COLEC12: variants seen among roughly 807,000 people sequenced by gnomAD.
The protein encoded by COLEC12 is collectin subfamily member 12, also known as collectin-12.
COLEC12 carries 33 observed loss-of-function variants against 71.1 expected under a neutral mutation model. The observed-to-expected ratio is 0.46, with a 90% CI of 0.35 to 0.62. COLEC12 has a LOEUF of 0.62. Ranked by LOEUF, COLEC12 falls within the 20% of genes least tolerant of loss-of-function variation. COLEC12 has a pLI of 0.00. For missense variants in COLEC12, 765 were observed against 916.1 expected (o/e 0.84, Z 2.13); for synonymous variants, 350 against 353.0 (o/e 0.99, Z 0.10).
At chr18:340,712 A>G (rs1457880784) in intron 5 of COLEC12, among the ~76,000 whole-genome samples, 1 of 152,256 alleles carries the variant, frequency 6.6e-6, no homozygotes, top group Non-Finnish European at 1.5e-5. Flanking sequence ...TAGAGGAAAA[A>G]CAGTGATACA....
At chr18:490,268 A>G (rs1480272) in intron 1 of COLEC12, among the ~76,000 whole-genome samples, 109,164 of 152,206 alleles carry the variant, frequency 0.72, 39,307 homozygotes, top group Middle Eastern at 0.79. Flanking sequence ...CACCCCCAGT[A>G]ATTCTCCAGG....
intron 2 of COLEC12, among the ~76,000 whole-genome samples, chr18:437,537 TG>T (rs1567907733): frequency 1.2e-4 from 18 of 152,196 alleles, no homozygotes; most frequent in Non-Finnish European, 1.5e-4. Context: ...ACACACAGAA[TG>T]ACGAACTTGC....
chr18:479,918 T>A (rs1007439840), intron 2 of COLEC12, among the ~76,000 whole-genome samples: 1 of 152,352 alleles, frequency 6.6e-6, no homozygotes, highest in Non-Finnish European at 1.5e-5. Context: ...ATGGGGAGTA[T>A]ACAGCTCTCC....
intron 2 of COLEC12, among the ~76,000 whole-genome samples, chr18:368,849 G>C (rs573805614): frequency 6.6e-6 from 1 of 152,208 alleles, no homozygotes; most frequent in East Asian, 1.9e-4. Context: ...CTGGGCAACA[G>C]AGCGAGACTC....
intron 2 of COLEC12, among the ~76,000 whole-genome samples, chr18:442,684 G>A (rs988302116): frequency 3.9e-5 from 6 of 152,236 alleles, no homozygotes; most frequent in South Asian, 4.1e-4. Flanking sequence ...CAAGTCAGCC[G>A]GGCGCAGTGG....
chr18:350,085 G>C (rs1159180074), intron 3 of COLEC12, among the ~76,000 whole-genome samples: 1 of 152,130 alleles, frequency 6.6e-6, no homozygotes, highest in African/African-American at 2.4e-5. Context: ...ATTTGGCAGG[G>C]GCCAGGGGTG....
intron 2 of COLEC12, among the ~76,000 whole-genome samples, chr18:358,443 G>A (rs1402452817): frequency 6.6e-6 from 1 of 152,152 alleles, no homozygotes; most frequent in Non-Finnish European, 1.5e-5. Context: ...GTCCCGTATG[G>A]GTGCGATGGG....
At position 335,133 on chromosome 18, in the gene COLEC12, A is replaced by C; in HGVS notation, c.1425T>G (p.Pro475=). 1 of 1,612,762 alleles carries C rather than the reference A, an allele frequency of 6.2e-7. No individual in the cohort carries two copies. The highest frequency in any genetic ancestry group is 8.5e-7 in the Non-Finnish European group (1 of 1,179,564). ...TCTCACCCGCAGGGCCAGGTGGTCC[A>C]GGCTCCCCCTTCTCTCCTTTCTGTC... ...NKGQKGEKGE[P]GPPGPAGERG... The change falls in exon 6 of 10, where the codon CCT becomes CCG. Residue 475 remains proline, a synonymous_variant. Coordinates refer to ENST00000400256, the MANE Select transcript of COLEC12 (RefSeq NM_130386.3).
In COLEC12 at chr18:486,793, T is replaced by C. The variant is rs118047685; in HGVS notation, c.8-6036A>G. Among the ~76,000 whole-genome samples, 45 of 152,320 alleles carry C rather than the reference T, an allele frequency of 3.0e-4. No individual in the cohort carries two copies. In the East Asian group the frequency reaches 8.1e-3, roughly 27 times the overall value. Reference sequence around the variant, plus strand: ...TTGGAACATAAGTTTAAGAAGCAGTTGGCTATAACCAAAAAGATAGACAAC... The same window carrying C: ...TTGGAACATAAGTTTAAGAAGCAGTCGGCTATAACCAAAAAGATAGACAAC... On this transcript the variant is annotated intron_variant, in intron 1 of 9. Transcript: ENST00000400256.
chr18:347,412 A>G, intron 4 of COLEC12, 71 bp from the exon 5 acceptor site: 3 of 1,288,600 alleles, frequency 2.3e-6, no homozygotes, highest in Non-Finnish European at 3.3e-6. Flanking sequence ...AAAGATCCCG[A>G]ACACACTTAA....
intron 1 of COLEC12, among the ~76,000 whole-genome samples, chr18:488,247 C>T (rs1440516596): frequency 6.6e-6 from 1 of 151,602 alleles, no homozygotes; most frequent in Non-Finnish European, 1.5e-5. Context: ...CTCGTCTCTA[C>T]TAAAAATACA....
At chr18:355,972 G>A (rs1172333843) in intron 3 of COLEC12, among the ~76,000 whole-genome samples, 4 of 152,116 alleles carry the variant, frequency 2.6e-5, no homozygotes, top group Non-Finnish European at 4.4e-5. Flanking sequence ...TGGATAGAAC[G>A]ACCTGGTAGT....
At chr18:360,675 G>T (rs929686660) in intron 2 of COLEC12, among the ~76,000 whole-genome samples, 1 of 152,174 alleles carries the variant, frequency 6.6e-6, no homozygotes. Context: ...CTACATTTCT[G>T]CAAGGCCTAG....
At chr18:395,028 G>T (rs2143599636) in intron 2 of COLEC12, among the ~76,000 whole-genome samples, 1 of 152,334 alleles carries the variant, frequency 6.6e-6, no homozygotes, top group South Asian at 2.1e-4. Flanking sequence ...ATTAGAGGTT[G>T]CAAAGAGATG....
chr18:432,756 C>T (rs1598361487), intron 2 of COLEC12, among the ~76,000 whole-genome samples: 1 of 152,284 alleles, frequency 6.6e-6, no homozygotes, highest in African/African-American at 2.4e-5. Context: ...TTTGGACAAC[C>T]TTCCTTGCAC....
chr18:452,803 T>C (rs1402552273), intron 2 of COLEC12, among the ~76,000 whole-genome samples: 1 of 152,264 alleles, frequency 6.6e-6, no homozygotes, highest in Non-Finnish European at 1.5e-5. Flanking sequence ...ACATCTGTTC[T>C]TCCTGCCACA....
intron 1 of COLEC12, among the ~76,000 whole-genome samples, chr18:489,210 G>T (rs1853326830): frequency 6.6e-6 from 1 of 152,254 alleles, no homozygotes; most frequent in Admixed American, 6.5e-5. Context: ...TAGCAGCAAA[G>T]TTGGAAGCTA....
intron 2 of COLEC12, among the ~76,000 whole-genome samples, chr18:369,401 T>TTA (rs1555615264): frequency 3.6e-4 from 48 of 132,458 alleles, no homozygotes; most frequent in African/African-American, 5.8e-4. Context: ...TTTTTTATTT[T>TTA]TTTTTATTTT....
At chr18:386,655 T>G (rs1447587717) in intron 2 of COLEC12, among the ~76,000 whole-genome samples, 5 of 152,170 alleles carry the variant, frequency 3.3e-5, no homozygotes, top group Admixed American at 6.6e-5. Flanking sequence ...GTTTAGAACA[T>G]TTCTTGATGC....
Sources: allele counts gnomAD v4.1 joint callset (sites outside exome capture counted in the v4.1 genomes callset), GRCh38; gene constraint gnomAD v4.1.1; transcripts MANE v1.5; gene names NCBI Gene and HGNC (gene_info 2026-07-23, HGNC 2026-07-21).